Variants in CDKL1 observed in about 807,000 individuals in gnomAD.
CDKL1 encodes the protein cyclin-dependent kinase-like 1.
CDKL1 carries 41 observed loss-of-function variants against 42.0 expected under a neutral mutation model. That is an observed-to-expected ratio of 0.98 (90% CI 0.76 to 1.27). The LOEUF (loss-of-function observed/expected upper bound fraction) is 1.27. Ranked by LOEUF, CDKL1 falls within the 50% of genes most tolerant of loss-of-function variation. CDKL1 has a pLI of 0.00. For missense variants in CDKL1, 394 were observed against 428.4 expected, an observed-to-expected ratio of 0.92 and a Z score of 0.71; for synonymous variants, 153 against 158.6, an observed-to-expected ratio of 0.96 and a Z score of 0.26.
intron 2 of CDKL1, among the ~76,000 whole-genome samples, chr14:50,389,939 C>T (rs190000201): frequency 2.0e-5 from 3 of 152,172 alleles, no homozygotes; most frequent in East Asian, 3.9e-4. Flanking sequence ...GCTTACTGAC[C>T]GGGAGGCCTT....
chr14:50,335,625 G>T, intron 7 of CDKL1: 2 of 1,529,804 alleles, frequency 1.3e-6, no homozygotes, highest in South Asian at 2.4e-5. Flanking sequence ...ACATACCACT[G>T]ACAAAGGCTA....
Position 50,341,241 on chromosome 14 carries a change from T to C in CDKL1, c.455-9A>G, listed in dbSNP as rs763303129. The C allele has an allele frequency of 4.4e-6, 7 of 1,580,924 alleles. No individual in the cohort carries two copies. The highest frequency in any genetic ancestry group is 8.6e-7 in the Non-Finnish European group (1 of 1,158,564). On this transcript the variant is annotated splice_polypyrimidine_tract_variant and intron_variant, in intron 5 of 9. Coordinates refer to ENST00000395834, the MANE Select transcript of CDKL1 (RefSeq NM_004196.7). ...GTAGTCACTCGGTCCAGCTAGCCAG[T>C]GATGGAACATGGAAAACAAACAGCA... is the stretch of plus-strand genomic sequence containing the variant.
At chr14:50,360,604 C>T (rs1211280893) in intron 2 of CDKL1, among the ~76,000 whole-genome samples, 2 of 151,220 alleles carry the variant, frequency 1.3e-5, no homozygotes, top group Non-Finnish European at 3.0e-5. Context: ...GACAGGGTTT[C>T]GCCATGTTGG....
chr14:50,390,216 A>G (rs1177615742), intron 2 of CDKL1: 1 of 1,364,666 alleles, frequency 7.3e-7, no homozygotes, highest in South Asian at 1.1e-5. Flanking sequence ...ACAATGTCCC[A>G]GCTGCTGCTT....
rs2033807459 is a variant in CDKL1 at position 50,348,734 on chromosome 14, TATG to T, written c.291-3679_291-3677del. Among the ~76,000 whole-genome samples, 5 of 152,262 alleles carry T rather than the reference TATG, an allele frequency of 3.3e-5. No individual in the cohort carries two copies. In the South Asian group the frequency reaches 1.0e-3, roughly 32 times the overall value. ...ACTATGAGCATATAACCAGAGACTA[TATG>T]ATGCCCAAGAAAAGCCTCTAATAAG... On this transcript the variant is annotated intron_variant, in intron 3 of 9. Coordinates refer to ENST00000395834, the MANE Select transcript of CDKL1 (RefSeq NM_004196.7).
intron 2 of CDKL1, among the ~76,000 whole-genome samples, chr14:50,381,379 G>C (rs1170442099): frequency 4.6e-5 from 7 of 152,188 alleles, no homozygotes; most frequent in Non-Finnish European, 7.3e-5. Flanking sequence ...GCTCGAGCAG[G>C]TCTGGAGGGA....
intron 2 of CDKL1, among the ~76,000 whole-genome samples, chr14:50,367,123 A>G (rs2034456539): frequency 6.6e-6 from 1 of 152,192 alleles, no homozygotes; most frequent in Non-Finnish European, 1.5e-5. Context: ...GAAAGGGGAA[A>G]GGGAAGAAAG....
chr14:50,387,523 CAAA>C (rs10543388), intron 2 of CDKL1, among the ~76,000 whole-genome samples: 4 of 147,450 alleles, frequency 2.7e-5, no homozygotes, highest in East Asian at 4.0e-4. Flanking sequence ...GACTCCATCT[CAAA>C]AAAAAAAAAG....
At chr14:50,393,480 A>C (rs1390453413) in intron 2 of CDKL1, among the ~76,000 whole-genome samples, 1 of 152,198 alleles carries the variant, frequency 6.6e-6, no homozygotes, top group Non-Finnish European at 1.5e-5. Context: ...TTTATTAAGT[A>C]TCTTTATTTT....
chr14:50,362,846 A>G (rs1411661113), intron 2 of CDKL1: 1 of 356,028 alleles, frequency 2.8e-6, no homozygotes, highest in East Asian at 8.1e-5. Flanking sequence ...AGGGCCAGAT[A>G]AGAGAATAAA....
rs752698010 is a variant in CDKL1 at position 50,342,171 on chromosome 14, C to T, written c.415G>A (p.Val139Met). The T allele has an allele frequency of 2.5e-6, 4 of 1,614,046 alleles. No individual in the cohort carries two copies. Among genetic ancestry groups the T allele is most frequent in the South Asian group, 2.2e-5 (2 of 91,078 alleles). The change falls in exon 5 of 10, where the codon GTG (valine) becomes ATG (methionine). Residue 139 changes from valine (V) to methionine (M), a missense_variant. By Grantham distance (21) the Val-to-Met change is conservative (BLOSUM62 1). Transcript: ENST00000395834. ...AATCCAAAGTCACAAAGCTTAATCA[C>T]GGAATGTTTCGTGATGAGGATATTT... ...PENILITKHS[V>M]IKLCDFGFAR...
chr14:50,387,418 G>A (rs374070597), intron 2 of CDKL1, among the ~76,000 whole-genome samples: 2 of 152,004 alleles, frequency 1.3e-5, no homozygotes, highest in East Asian at 1.9e-4. Flanking sequence ...AGCTACTCAG[G>A]AGGCTGAGGC....
chr14:50,392,489 A>AATGATG (rs1555345935), intron 2 of CDKL1, among the ~76,000 whole-genome samples: 24 of 147,284 alleles, frequency 1.6e-4, no homozygotes, highest in African/African-American at 3.0e-4. Flanking sequence ...TAATAATAAT[A>AATGATG]ATGAAAGAAC....
chr14:50,335,371 C>A, intron 7 of CDKL1: 2 of 824,568 alleles, frequency 2.4e-6, no homozygotes, highest in African/African-American at 1.8e-5. Flanking sequence ...AGATGTTTTT[C>A]CCCTACCCAG....
intron 2 of CDKL1, among the ~76,000 whole-genome samples, chr14:50,395,485 T>C (rs2035370841): frequency 6.6e-6 from 1 of 152,198 alleles, no homozygotes; most frequent in Non-Finnish European, 1.5e-5. Flanking sequence ...CTTTATTTCT[T>C]TCATCCCTAA....
rs1361880947 is a variant in CDKL1 at position 50,395,969 on chromosome 14, G to A, written c.-101C>T. 2 of 1,147,036 alleles carry A rather than the reference G, an allele frequency of 1.7e-6. No homozygotes were observed. Among genetic ancestry groups the A allele is most frequent in the Admixed American group, 4.0e-5 (2 of 50,216 alleles). 71.1% of individuals were successfully genotyped at this position (1,147,036 alleles called of 1,614,324 possible). ...GGAGGCTGAGGCGGGCAGATCACCT[G>A]AGGTCAGGAGTTCGAGACCAGTCTG... On this transcript the variant is annotated 5_prime_UTR_variant, in exon 2 of 10. Transcript: ENST00000395834.
At position 50,361,952 on chromosome 14, in the gene CDKL1, G is replaced by C. The variant is rs575593359; in HGVS notation, c.169-2803C>G. On this transcript the variant is annotated intron_variant, in intron 2 of 9. Transcript: ENST00000395834. ...CTCCCTCAGCTTGCAGGGAGGTGTG[G>C]AGGGAGAGGCGCAGGCGGGAACCGG... Among the ~76,000 whole-genome samples, 10 of 152,386 alleles carry C rather than the reference G, an allele frequency of 6.6e-5. No homozygotes were observed. In the East Asian group the frequency reaches 1.3e-3, roughly 21 times the overall value.
intron 2 of CDKL1, chr14:50,378,325 T>C (rs1394474437): frequency 7.3e-7 from 1 of 1,366,406 alleles, no homozygotes; most frequent in Admixed American, 1.9e-5. Flanking sequence ...GGCAATAAGG[T>C]TCTTGCTCTG....
At chr14:50,387,330 T>C (rs1245539824) in intron 2 of CDKL1, among the ~76,000 whole-genome samples, 1 of 152,080 alleles carries the variant, frequency 6.6e-6, no homozygotes, top group Non-Finnish European at 1.5e-5. Context: ...ACAACCAGCC[T>C]GTCCAACATG....
Sources: allele counts gnomAD v4.1 joint callset (sites outside exome capture counted in the v4.1 genomes callset), GRCh38; gene constraint gnomAD v4.1.1; transcripts MANE v1.5; gene names NCBI Gene and HGNC (gene_info 2026-07-23, HGNC 2026-07-21).